The following RETREG1 variants were observed in gnomAD, a reference collection of about 807,000 sequenced individuals.
The protein encoded by RETREG1 is reticulophagy regulator 1.
A neutral mutation model predicts 54.8 loss-of-function variants in RETREG1; 44 were observed. The ratio of observed to expected loss-of-function variants is 0.80; its 90% CI spans 0.63 to 1.03. RETREG1 has a LOEUF of 1.03. RETREG1 is among the 50% of genes least tolerant of loss of function. The probability of loss-of-function intolerance (pLI) is 0.00; values close to 1 mark genes in which losing one functional copy is unlikely to be tolerated. For synonymous variants in RETREG1, 217 were observed against 238.5 expected (o/e 0.91, Z 0.83); for missense variants, 554 against 605.1 (o/e 0.92, Z 0.89).
At chr5:16,610,848 C>T (rs1055151827) in intron 1 of RETREG1, among the ~76,000 whole-genome samples, 5 of 152,192 alleles carry the variant, frequency 3.3e-5, no homozygotes, top group Admixed American at 6.5e-5. Context: ...GTCAGTGTGG[C>T]GATTCCTCAG....
chr5:16,514,918 ATATT>A (rs1740297831), intron 3 of RETREG1, among the ~76,000 whole-genome samples: 1 of 147,716 alleles, frequency 6.8e-6, no homozygotes, highest in Non-Finnish European at 1.5e-5. Context: ...TATATAATAT[ATATT>A]ATATAAATAT....
rs574449402 is a variant in RETREG1 at position 16,597,285 on chromosome 5, A to G, written c.320+19367T>C. 6.6e-6 allele frequency among the ~76,000 whole-genome samples: 1 copy of G among 152,356 alleles called. No individual in the cohort carries two copies. Among genetic ancestry groups the G allele is most frequent in the African/African-American group, 2.4e-5 (1 of 41,596 alleles). ...ACCTCCTCCAACAGTTGTTATGTATATGGAGTAAGAGACACTACAGGTGAA... is the reference window on the plus strand; with the variant it reads ...ACCTCCTCCAACAGTTGTTATGTATGTGGAGTAAGAGACACTACAGGTGAA... On this transcript the variant is annotated intron_variant, in intron 1 of 8. Transcript: ENST00000306320. The surrounding 1 kb of genome is among the most constrained non-coding windows in gnomAD (Gnocchi z 4.3).
chr5:16,602,035 C>T (rs367890068), intron 1 of RETREG1, among the ~76,000 whole-genome samples: 2 of 152,124 alleles, frequency 1.3e-5, no homozygotes, highest in Non-Finnish European at 2.9e-5. Context: ...ACAGCAAGAG[C>T]GGGATAAAGA....
At chr5:16,546,462 TG>T (rs1741391052) in intron 3 of RETREG1, among the ~76,000 whole-genome samples, 1 of 152,196 alleles carries the variant, frequency 6.6e-6, no homozygotes, top group African/African-American at 2.4e-5. Flanking sequence ...GCCAATGCAC[TG>T]GGCCAAAATT....
intron 3 of RETREG1, among the ~76,000 whole-genome samples, chr5:16,486,787 C>T (rs1561082775): frequency 6.6e-6 from 1 of 152,204 alleles, no homozygotes; most frequent in Non-Finnish European, 1.5e-5. Context: ...CCAATACCAA[C>T]GTGCCATCAT....
At chr5:16,570,918 A>C (rs193011518) in intron 2 of RETREG1, among the ~76,000 whole-genome samples, 170 of 152,310 alleles carry the variant, frequency 1.1e-3, no homozygotes, top group African/African-American at 3.7e-3. Flanking sequence ...TACAACTGAA[A>C]TCCACAGATT....
At chr5:16,586,109 A>G (rs1332136585) in intron 1 of RETREG1, among the ~76,000 whole-genome samples, 2 of 152,216 alleles carry the variant, frequency 1.3e-5, no homozygotes, top group African/African-American at 4.8e-5. Flanking sequence ...ATACACTGCA[A>G]TGTCGTGCAG....
intron 1 of RETREG1, among the ~76,000 whole-genome samples, chr5:16,572,556 T>A (rs1742205511): frequency 6.6e-6 from 1 of 152,174 alleles, no homozygotes; most frequent in South Asian, 2.1e-4. Context: ...TGCATGAAAG[T>A]TATTTAATAG....
chr5:16,477,627 C>G, intron 8 of RETREG1, 35 bp downstream of exon 8: 2 of 1,603,202 alleles, frequency 1.2e-6, no homozygotes, highest in Non-Finnish European at 1.7e-6. Flanking sequence ...TGTATGCACT[C>G]ATAAAAATAA....
At chr5:16,563,450 G>T (rs572067318) in intron 3 of RETREG1, among the ~76,000 whole-genome samples, 8 of 151,908 alleles carry the variant, frequency 5.3e-5, no homozygotes, top group Admixed American at 5.2e-4. Context: ...GTAGAGTTAG[G>T]GTCTCCCTAC....
At chr5:16,569,695 T>C (rs138893647) in intron 2 of RETREG1, among the ~76,000 whole-genome samples, 405 of 152,286 alleles carry the variant, frequency 2.7e-3, no homozygotes, top group Middle Eastern at 0.014. Flanking sequence ...CTCACAAAGA[T>C]ACCAAGTCAC....
chr5:16,484,479 G>C (rs1241997243), intron 3 of RETREG1, among the ~76,000 whole-genome samples: 1 of 152,152 alleles, frequency 6.6e-6, no homozygotes, highest in Non-Finnish European at 1.5e-5. Context: ...AAAGTTTCTA[G>C]AAGAAGACTA....
At chr5:16,506,764 A>G (rs1259100883) in intron 3 of RETREG1, among the ~76,000 whole-genome samples, 1 of 152,216 alleles carries the variant, frequency 6.6e-6, no homozygotes, top group Non-Finnish European at 1.5e-5. Flanking sequence ...ACAGATAGGG[A>G]AAAAACAAAT....
At chr5:16,602,303 T>C (rs185147067) in intron 1 of RETREG1, among the ~76,000 whole-genome samples, 14 of 152,248 alleles carry the variant, frequency 9.2e-5, no homozygotes, top group Non-Finnish European at 1.9e-4. Flanking sequence ...AAGGGTCCAG[T>C]ATCAGGGACT....
At chr5:16,491,802 C>A (rs1012217015) in intron 3 of RETREG1, among the ~76,000 whole-genome samples, 4 of 152,072 alleles carry the variant, frequency 2.6e-5, no homozygotes, top group African/African-American at 9.7e-5. Flanking sequence ...GCGGGAGTAT[C>A]CCTTGATCCC....
At position 16,483,214 on chromosome 5, in the gene RETREG1, CTT is replaced by C. The variant is rs1738880421; in HGVS notation, c.585+130_585+131del. The C allele has an allele frequency of 2.8e-6, 3 of 1,056,182 alleles. No individual in the cohort carries two copies. In the African/African-American group the frequency reaches 4.7e-5, roughly 17 times the overall value. The allele number at this position is 1,056,182 out of a possible 1,614,324, so 65.4% of individuals were successfully genotyped here. A position where few individuals can be genotyped will look rare whatever the true frequency, so the allele number is the denominator to read the frequency against. On this transcript the variant is annotated intron_variant, in intron 4 of 8. Transcript: ENST00000306320. ...CACATCTGAACCTTGCTGATACCAG[CTT>C]TTATGGCATATGTTCTTAGTATATT...
At chr5:16,571,432 C>G (rs1742169940) in intron 2 of RETREG1, among the ~76,000 whole-genome samples, 1 of 152,100 alleles carries the variant, frequency 6.6e-6, no homozygotes, top group South Asian at 2.1e-4. Context: ...ACAAGAGGCC[C>G]CTCCAAGTAT....
chr5:16,489,826 T>A (rs1011518431), intron 3 of RETREG1, among the ~76,000 whole-genome samples: 1 of 152,214 alleles, frequency 6.6e-6, no homozygotes, highest in African/African-American at 2.4e-5. Context: ...TGGAGATACA[T>A]GAATTTGAAA....
chr5:16,591,513 AG>A (rs138264387), intron 1 of RETREG1, among the ~76,000 whole-genome samples: 20,507 of 152,146 alleles, frequency 0.13, 1,396 homozygotes, highest in Non-Finnish European at 0.16. Context: ...CTATAACAGG[AG>A]GAACAAAAGA....
Sources: gnomAD v4.1 joint callset for allele counts (sites outside exome capture counted in the v4.1 genomes callset) on GRCh38, gnomAD v4.1.1 for gene constraint, Gnocchi (gnomAD v3.1) non-coding constraint, MANE v1.5 for transcripts, NCBI Gene and HGNC (gene_info 2026-07-23, HGNC 2026-07-21) for gene names.